The following MED12L variants were observed in gnomAD, a reference collection of about 807,000 sequenced individuals.
MED12L encodes mediator of RNA polymerase II transcription subunit 12-like protein.
In MED12L, 60 loss-of-function variants were observed where a neutral mutation model predicts 281.3. The ratio of observed to expected loss-of-function variants is 0.21; its 90% CI spans 0.17 to 0.26. MED12L has a LOEUF of 0.26. Among genes scored for constraint, MED12L ranks in the 10% least tolerant of loss-of-function variants. The probability of loss-of-function intolerance (pLI) is 1.00; values close to 1 mark genes in which losing one functional copy is unlikely to be tolerated. For missense variants in MED12L, 2,146 were observed against 2,680.9 expected, an observed-to-expected ratio of 0.80 and a Z score of 4.41; for synonymous variants, 974 against 987.2, an observed-to-expected ratio of 0.99 and a Z score of 0.25.
intron 16 of MED12L, among the ~76,000 whole-genome samples, chr3:151,202,871 G>C (rs577453948): frequency 6.6e-6 from 1 of 152,130 alleles, no homozygotes; most frequent in Non-Finnish European, 1.5e-5. Flanking sequence ...GCTCGCTCAG[G>C]TATTCAGTCT....
chr3:151,187,290 G>T (rs1022819966), intron 12 of MED12L, among the ~76,000 whole-genome samples: 28 of 152,126 alleles, frequency 1.8e-4, no homozygotes, highest in Non-Finnish European at 2.1e-4. Context: ...CTTCTGTATT[G>T]CATATGTGTT....
At chr3:151,409,134 C>A in intron 39 of MED12L, 109 bp from the exon 40 acceptor site, 2 of 757,750 alleles carry the variant, frequency 2.6e-6, no homozygotes, top group Non-Finnish European at 4.3e-6. Context: ...TCTTTGAGTT[C>A]TTTATCCATG....
At chr3:151,384,349 T>C (rs1379237606) in intron 35 of MED12L, 131 bp downstream of exon 35, 1 of 950,232 alleles carries the variant, frequency 1.1e-6, no homozygotes, top group Non-Finnish European at 1.5e-6. Context: ...ATTTGCTATT[T>C]GTTTCACCTA....
chr3:151,139,910 A>C (rs1184544570), intron 5 of MED12L, among the ~76,000 whole-genome samples: 1 of 152,224 alleles, frequency 6.6e-6, no homozygotes. Flanking sequence ...CTTTCATATA[A>C]ACAAAAGTTA....
intron 36 of MED12L, among the ~76,000 whole-genome samples, chr3:151,386,217 C>T (rs764551669): frequency 2.6e-5 from 4 of 152,132 alleles, no homozygotes; most frequent in Non-Finnish European, 5.9e-5. Context: ...AAGCTAAAGT[C>T]ATGGTCAAGT....
chr3:151,199,197 T>G, intron 16 of MED12L: 1 of 1,614,048 alleles, frequency 6.2e-7, no homozygotes. Context: ...AATGCCAGAG[T>G]AAGCAGGAAA....
intron 21 of MED12L, among the ~76,000 whole-genome samples, chr3:151,363,271 G>T (rs910654166): frequency 2.0e-5 from 3 of 152,150 alleles, no homozygotes; most frequent in Admixed American, 1.3e-4. Context: ...CCTATTTGTA[G>T]TTTGAGATGA....
At position 151,416,390 on chromosome 3, in the gene MED12L, G is replaced by A; in HGVS notation, c.6376G>A (p.Gly2126Ser). The A allele has an allele frequency of 5.6e-6, 9 of 1,610,860 alleles. No individual in the cohort carries two copies. The highest frequency in any genetic ancestry group is 1.1e-5 in the South Asian group (1 of 90,922). The change falls in exon 43 of 45, where the codon GGT becomes AGT. Residue 2126 changes from glycine to serine, a missense_variant. Physicochemically the swap from Gly to Ser is moderately conservative, Grantham distance 56. This residue lies in a region of MED12L where 496 missense variants were observed against 512.0 expected (regional missense o/e 0.97). Transcript: ENST00000687756. ...QSSQSQSQTL[G>S]LQAMQPQQPL... ...CTCGCAGTCCCAGAGTCAGACCCTTGGTCTCCAAGCAATGCAGCCCCAGCA... is the reference window on the plus strand; with the variant it reads ...CTCGCAGTCCCAGAGTCAGACCCTTAGTCTCCAAGCAATGCAGCCCCAGCA...
At chr3:151,331,507 A>T (rs541611571) in intron 16 of MED12L, among the ~76,000 whole-genome samples, 14 of 152,366 alleles carry the variant, frequency 9.2e-5, no homozygotes, top group African/African-American at 3.4e-4. Flanking sequence ...AACATTCACC[A>T]GTGCTTAGAA....
chr3:151,316,552 C>T (rs958920179), intron 16 of MED12L: 2 of 152,154 alleles, frequency 1.3e-5, no homozygotes, highest in African/African-American at 4.8e-5. Context: ...TTATCAACCA[C>T]GGCTTTTAAG....
chr3:151,342,867 A>G (rs920550265), intron 16 of MED12L, among the ~76,000 whole-genome samples: 1 of 152,136 alleles, frequency 6.6e-6, no homozygotes, highest in Admixed American at 6.5e-5. Context: ...AATTTCTTAC[A>G]CTGTCATGGA....
At chr3:151,253,332 C>A (rs143661339) in intron 16 of MED12L, among the ~76,000 whole-genome samples, 1 of 152,178 alleles carries the variant, frequency 6.6e-6, no homozygotes, top group African/African-American at 2.4e-5. Context: ...AGGGGCCTTC[C>A]GCTCTTACCC....
At chr3:151,428,324 T>A (rs1719091804) in intron 43 of MED12L, among the ~76,000 whole-genome samples, 1 of 152,254 alleles carries the variant, frequency 6.6e-6, no homozygotes, top group African/African-American at 2.4e-5. Flanking sequence ...AAAAGAATAC[T>A]AACATTTCCA....
intron 2 of MED12L, among the ~76,000 whole-genome samples, chr3:151,096,266 T>A (rs1408277124): frequency 2.0e-5 from 3 of 152,214 alleles, no homozygotes; most frequent in Non-Finnish European, 4.4e-5. Context: ...ATCCTCATGG[T>A]TTAAGCCACA....
intron 16 of MED12L, chr3:151,294,973 C>T (rs780905543): frequency 6.2e-6 from 10 of 1,613,748 alleles, no homozygotes; most frequent in Admixed American, 1.7e-5. Flanking sequence ...GAAATGTCAG[C>T]GTCATTATGA....
chr3:151,377,009 G>A lies in MED12L; in HGVS notation c.4147G>A (p.Glu1383Lys), dbSNP rs1560099498. ...LKDPGSGSVA[E>K]MNNLLDNIAK... ...ACTCTAGGGCTCTGGTTCTGTGGCC[G>A]AAATGAACAACTTACTGGACAATAT... Residue 1383 changes from glutamate to lysine, a missense_variant, in exon 30 of 45, where the codon GAA (glutamate) becomes AAA (lysine). Glu to Lys is a moderately conservative substitution (Grantham distance 56). Around this residue, in one of 9 missense-constraint regions of MED12L, gnomAD observed 235 missense variants for 260.3 expected, o/e 0.90. Transcript: ENST00000687756. 1.2e-6 allele frequency: 2 copies of A among 1,613,752 alleles called. No homozygotes were observed. Among genetic ancestry groups the A allele is most frequent in the Non-Finnish European group, 8.5e-7 (1 of 1,179,820 alleles).
chr3:151,240,110 C>T lies in MED12L; in HGVS notation c.2250+46444C>T, dbSNP rs1577077468. Reference sequence around the variant, plus strand: ...ACAGCCCCTGACCTGTAATTCCAGGCTCCATAACTGTCAGGACCATTGTTC... The same window carrying T: ...ACAGCCCCTGACCTGTAATTCCAGGTTCCATAACTGTCAGGACCATTGTTC... On this transcript the variant is annotated intron_variant, in intron 16 of 44. Coordinates refer to ENST00000687756, the MANE Select transcript of MED12L (RefSeq NM_001393769.1). Among the ~76,000 whole-genome samples the T allele has an allele frequency of 2.6e-5, 4 of 151,978 alleles. 1 individual carries two copies. The highest frequency in any genetic ancestry group is 2.6e-4 in the Admixed American group (4 of 15,268).
chr3:151,350,252 T>C, intron 17 of MED12L, 46 bp downstream of exon 17: 1 of 1,594,382 alleles, frequency 6.3e-7, no homozygotes, highest in Non-Finnish European at 8.6e-7. Context: ...GCCTTTTGCC[T>C]TCCCTCTGAG....
intron 16 of MED12L, among the ~76,000 whole-genome samples, chr3:151,283,054 A>C (rs1298835425): frequency 6.6e-6 from 1 of 152,222 alleles, no homozygotes; most frequent in East Asian, 1.9e-4. Context: ...CTTCATTGGC[A>C]ATTGTGCACT....
Sources: allele counts gnomAD v4.1 joint callset (sites outside exome capture counted in the v4.1 genomes callset), GRCh38; gene constraint gnomAD v4.1.1; regional missense constraint gnomAD v4.1.1; transcripts MANE v1.5; gene names NCBI Gene and HGNC (gene_info 2026-07-23, HGNC 2026-07-21).